Variants in BNC2 observed in about 807,000 individuals in gnomAD.
BNC2 encodes the protein zinc finger protein basonuclin-2.
Under a neutral mutation model 76.3 loss-of-function variants are expected in BNC2, and 20 were observed. The observed-to-expected ratio is 0.26, with a 90% confidence interval of 0.18 to 0.38. The LOEUF is 0.38. Among genes scored for constraint, BNC2 ranks in the 10% least tolerant of loss-of-function variants. The probability of loss-of-function intolerance (pLI) is 1.00; values close to 1 mark genes in which losing one functional copy is unlikely to be tolerated. For synonymous variants in BNC2, 582 were observed against 514.8 expected (o/e 1.13, Z -1.77); for missense variants, 1,382 against 1,399.8 (o/e 0.99, Z 0.20).
chr9:16,647,290 T>A (rs1181213151), intron 3 of BNC2, among the ~76,000 whole-genome samples: 1 of 152,004 alleles, frequency 6.6e-6, no homozygotes, highest in Non-Finnish European at 1.5e-5. Context: ...ATAACAAGGA[T>A]TGGGGTGGAA....
chr9:16,555,492 CAT>C (rs1818801043), intron 4 of BNC2, among the ~76,000 whole-genome samples: 1 of 151,942 alleles, frequency 6.6e-6, no homozygotes, highest in Non-Finnish European at 1.5e-5. Context: ...ATAAGTGTAC[CAT>C]ATGTTAGTAA....
chr9:16,673,340 A>T (rs897231490), intron 3 of BNC2, among the ~76,000 whole-genome samples: 1 of 152,076 alleles, frequency 6.6e-6, no homozygotes, highest in Non-Finnish European at 1.5e-5. Context: ...CACAGTTTTG[A>T]GGAAATAACA....
intron 5 of BNC2, among the ~76,000 whole-genome samples, chr9:16,545,881 C>T (rs2132442808): frequency 6.6e-6 from 1 of 152,250 alleles, no homozygotes; most frequent in Middle Eastern, 3.4e-3. Context: ...ACAGCAATAG[C>T]CCTAAATTAC....
intron 1 of BNC2, among the ~76,000 whole-genome samples, chr9:16,818,148 T>C (rs1373737752): frequency 2.6e-5 from 4 of 152,176 alleles, no homozygotes; most frequent in African/African-American, 7.2e-5. Flanking sequence ...CTCACGCCTG[T>C]AATCCCAGCA....
chr9:16,448,111 T>C (rs1040282872), intron 5 of BNC2, among the ~76,000 whole-genome samples: 4 of 152,130 alleles, frequency 2.6e-5, no homozygotes, highest in Non-Finnish European at 4.4e-5. Context: ...AGGACAGCTA[T>C]AAATCTGCTT....
At chr9:16,446,934 T>C (rs887468369) in intron 5 of BNC2, among the ~76,000 whole-genome samples, 3 of 152,106 alleles carry the variant, frequency 2.0e-5, no homozygotes, top group Admixed American at 2.0e-4. Context: ...TGGGCATTTG[T>C]TTGCAAATAA....
intron 5 of BNC2, among the ~76,000 whole-genome samples, chr9:16,498,219 C>T (rs1288678670): frequency 8.6e-5 from 7 of 81,680 alleles, no homozygotes; most frequent in Non-Finnish European, 1.7e-4. Context: ...ATATATATTC[C>T]ATCATATATA....
chr9:16,822,092 CAAAAA>C (rs531393812), intron 1 of BNC2, among the ~76,000 whole-genome samples: 1 of 32,634 alleles, frequency 3.1e-5, no homozygotes, highest in Admixed American at 3.1e-4. Flanking sequence ...GACTCCATCT[CAAAAA>C]AAAAAAAAAA....
At chr9:16,539,750 GAAGGA>G (rs1563830943) in intron 5 of BNC2, among the ~76,000 whole-genome samples, 6 of 84,820 alleles carry the variant, frequency 7.1e-5, no homozygotes, top group Non-Finnish European at 2.3e-5. Context: ...GAAGGGAAGG[GAAGGA>G]AAGGAAAGGA....
At chr9:16,422,722 G>A (rs1587009119) in intron 6 of BNC2, among the ~76,000 whole-genome samples, 1 of 152,162 alleles carries the variant, frequency 6.6e-6, no homozygotes, top group East Asian at 1.9e-4. Flanking sequence ...AGCACGAGAA[G>A]GAAAGCAGAC....
intron 1 of BNC2, among the ~76,000 whole-genome samples, chr9:16,848,295 G>C (rs140781462): frequency 9.3e-4 from 142 of 152,282 alleles, no homozygotes; most frequent in African/African-American, 3.0e-3. Context: ...AAATTCCATC[G>C]ATGAAGTCAG....
chr9:16,446,996 T>C (rs1009902850), intron 5 of BNC2, among the ~76,000 whole-genome samples: 1 of 152,144 alleles, frequency 6.6e-6, no homozygotes, highest in African/African-American at 2.4e-5. Context: ...AGGAGTAAAT[T>C]ACTTTCTGCA....
chr9:16,752,536 T>C (rs935076727), intron 1 of BNC2, among the ~76,000 whole-genome samples: 7 of 152,224 alleles, frequency 4.6e-5, no homozygotes, highest in African/African-American at 1.7e-4. Context: ...GTAAAATTCT[T>C]ACGCAGTCTT....
At chr9:16,460,748 T>C (rs1288361557) in intron 5 of BNC2, among the ~76,000 whole-genome samples, 1 of 152,176 alleles carries the variant, frequency 6.6e-6, no homozygotes, top group Non-Finnish European at 1.5e-5. Context: ...GAGCCTCAGT[T>C]ACCCAGGTGT....
Position 16,583,085 on chromosome 9 carries a change from C to G in BNC2, c.331G>C (p.Ala111Pro), listed in dbSNP as rs754525859. 1 of 1,613,362 alleles carries G rather than the reference C, an allele frequency of 6.2e-7. No homozygotes were observed. Among genetic ancestry groups the G allele is most frequent in the Non-Finnish European group, 8.5e-7 (1 of 1,179,666 alleles). ...TNLLFRMSQQ[A>P]IRCTLVNCTC... ...CAGTTTACCAGTGTGCAACGGATGG[C>G]CTGAAAAATAAAGGAGGAAAAAAAG... is the stretch of plus-strand genomic sequence containing the variant. The change falls in exon 4 of 7, where the codon GCC (alanine) becomes CCC (proline). Residue 111 changes from alanine (A) to proline (P), a missense_variant and splice_region_variant. Around this residue, in one of 3 missense-constraint regions of BNC2, gnomAD observed 557 missense variants for 540.9 expected, o/e 1.03. Coordinates refer to ENST00000380672, the MANE Select transcript of BNC2 (RefSeq NM_017637.6).
At chr9:16,559,218 T>C (rs7861345) in intron 4 of BNC2, among the ~76,000 whole-genome samples, 29,675 of 152,122 alleles carry the variant, frequency 0.2, 5,235 homozygotes, top group African/African-American at 0.47. Context: ...TGGCCCAGGA[T>C]GGCTTTGAAT....
intron 5 of BNC2, among the ~76,000 whole-genome samples, chr9:16,490,081 C>T (rs1587089008): frequency 6.6e-6 from 1 of 152,094 alleles, no homozygotes; most frequent in East Asian, 1.9e-4. Flanking sequence ...AGTAGGAACC[C>T]CTCCAAATCA....
At chr9:16,608,341 C>T (rs536089893) in intron 3 of BNC2, among the ~76,000 whole-genome samples, 129 of 152,060 alleles carry the variant, frequency 8.5e-4, no homozygotes, top group Non-Finnish European at 1.3e-3. Context: ...TAAATAAAAA[C>T]GTTTCTTCCC....
chr9:16,524,540 A>C (rs1466436308), intron 5 of BNC2, among the ~76,000 whole-genome samples: 1 of 152,102 alleles, frequency 6.6e-6, no homozygotes, highest in Non-Finnish European at 1.5e-5. Context: ...ATTCAGGATT[A>C]TACCTAAAAA....
Sources: gnomAD v4.1 joint callset for allele counts (sites outside exome capture counted in the v4.1 genomes callset) on GRCh38, gnomAD v4.1.1 for gene constraint, gnomAD v4.1.1 regional missense constraint, MANE v1.5 for transcripts, NCBI Gene and HGNC (gene_info 2026-07-23, HGNC 2026-07-21) for gene names.